NEDD4L: variants seen among roughly 807,000 people sequenced by gnomAD.
NEDD4L encodes the protein E3 ubiquitin-protein ligase NEDD4-like.
Under a neutral mutation model 148.9 loss-of-function variants are expected in NEDD4L, and 54 were observed. The ratio of observed to expected loss-of-function variants is 0.36; its 90% CI spans 0.29 to 0.45. The LOEUF (loss-of-function observed/expected upper bound fraction) is 0.45. Among genes scored for constraint, NEDD4L ranks in the 20% least tolerant of loss-of-function variants. NEDD4L has a pLI of 1.00. For missense variants in NEDD4L, 856 were observed against 1,233.8 expected (o/e 0.69, Z 4.59); for synonymous variants, 433 against 440.7 (o/e 0.98, Z 0.22).
intron 1 of NEDD4L, among the ~76,000 whole-genome samples, chr18:58,056,453 A>T (rs2082088817): frequency 6.6e-6 from 1 of 152,226 alleles, no homozygotes; most frequent in South Asian, 2.1e-4. Context: ...CAGTAGGGAA[A>T]TGGGCCAGCT....
chr18:58,347,205 G>GCCCCCCC lies in NEDD4L; in HGVS notation c.1576-2330_1576-2324dup, dbSNP rs138430099. The stretch of plus-strand genomic sequence containing the variant: ...AATTTCAGCTTCTTTTCACGCTACG[G>GCCCCCCC]CCCCCCCCGCCCCCCCCCCCCCTTT... On this transcript the variant is annotated intron_variant, in intron 16 of 30. Transcript: ENST00000400345. Among the ~76,000 whole-genome samples, 305 of 39,576 alleles carry GCCCCCCC rather than the reference G, an allele frequency of 7.7e-3. 15 individuals carry two copies. Among genetic ancestry groups the GCCCCCCC allele is most frequent in the African/African-American group, 0.013 (92 of 7,156 alleles). 26.0% of individuals were successfully genotyped at this position (39,576 alleles called of 152,430 possible).
intron 2 of NEDD4L, among the ~76,000 whole-genome samples, chr18:58,234,374 T>C (rs562285071): frequency 4.2e-4 from 58 of 138,262 alleles, no homozygotes; most frequent in African/African-American, 1.4e-3. Flanking sequence ...TTCTGTCATC[T>C]AGGCTGGAGT....
chr18:58,317,059 T>G (rs2058352348), intron 6 of NEDD4L, among the ~76,000 whole-genome samples: 1 of 152,260 alleles, frequency 6.6e-6, no homozygotes, highest in Non-Finnish European at 1.5e-5. Flanking sequence ...TGAAGATGTG[T>G]TGTGAAGGAA....
chr18:58,282,983 G>A (rs559464222), intron 5 of NEDD4L, among the ~76,000 whole-genome samples: 3 of 152,210 alleles, frequency 2.0e-5, no homozygotes, highest in South Asian at 2.1e-4. Context: ...GGATGATGAC[G>A]GCTAATCCCA....
chr18:58,314,082 T>G (rs374121792), intron 5 of NEDD4L, among the ~76,000 whole-genome samples: 1 of 152,196 alleles, frequency 6.6e-6, no homozygotes, highest in East Asian at 1.9e-4. Context: ...TTTCTTTTTT[T>G]TATAGTACAG....
intron 1 of NEDD4L, among the ~76,000 whole-genome samples, chr18:58,084,523 G>A (rs1302512204): frequency 1.3e-5 from 2 of 152,142 alleles, no homozygotes; most frequent in African/African-American, 4.8e-5. Context: ...ACACTGGGTG[G>A]CTTAAACAGT....
intron 1 of NEDD4L, among the ~76,000 whole-genome samples, chr18:58,148,696 TTAA>T (rs2034366395): frequency 6.6e-6 from 1 of 152,224 alleles, no homozygotes; most frequent in South Asian, 2.1e-4. Flanking sequence ...TCATTTTACC[TTAA>T]TAACCTCTTT....
chr18:58,232,699 G>A (rs958069136), intron 2 of NEDD4L, among the ~76,000 whole-genome samples: 3 of 152,192 alleles, frequency 2.0e-5, no homozygotes, highest in Admixed American at 6.5e-5. Context: ...TTTTATCCTC[G>A]CTTAAAAAAT....
intron 5 of NEDD4L, among the ~76,000 whole-genome samples, chr18:58,274,106 G>C (rs1331371943): frequency 6.6e-6 from 1 of 151,488 alleles, no homozygotes; most frequent in African/African-American, 2.4e-5. Flanking sequence ...GCCCTGAAGT[G>C]AGCCACGTAG....
At chr18:58,285,336 T>G (rs550374450) in intron 5 of NEDD4L, among the ~76,000 whole-genome samples, 17 of 152,008 alleles carry the variant, frequency 1.1e-4, no homozygotes, top group African/African-American at 1.7e-4. Context: ...GGTGTGTGTG[T>G]GTGTGTGTTT....
chr18:58,084,589 C>T (rs2083648307), intron 1 of NEDD4L, among the ~76,000 whole-genome samples: 1 of 151,784 alleles, frequency 6.6e-6, no homozygotes, highest in Non-Finnish European at 1.5e-5. Context: ...AAGATGTCAG[C>T]AGGTTTGGTT....
chr18:58,077,665 TG>T (rs1204649711), intron 1 of NEDD4L, among the ~76,000 whole-genome samples: 7 of 152,180 alleles, frequency 4.6e-5, no homozygotes, highest in Non-Finnish European at 8.8e-5. Context: ...AAGTGCTTCT[TG>T]TGATGCATCG....
intron 12 of NEDD4L, 103 bp downstream of exon 12, chr18:58,333,995 A>AC: frequency 6.0e-6 from 4 of 661,194 alleles, no homozygotes; most frequent in Non-Finnish European, 7.3e-6. Flanking sequence ...ATTTATTTAC[A>AC]ATATAAATGA....
intron 2 of NEDD4L, among the ~76,000 whole-genome samples, chr18:58,201,553 A>G (rs1442899988): frequency 2.6e-5 from 4 of 152,208 alleles, no homozygotes; most frequent in African/African-American, 9.6e-5. Context: ...GGATGACAAT[A>G]GAAACAGGTT....
At chr18:58,231,445 A>AT (rs1475966208) in intron 2 of NEDD4L, among the ~76,000 whole-genome samples, 8 of 152,058 alleles carry the variant, frequency 5.3e-5, no homozygotes, top group African/African-American at 1.7e-4. Flanking sequence ...TTCCAAGGCC[A>AT]TGGGGGGAAA....
chr18:58,094,900 T>TTA (rs751417792), intron 1 of NEDD4L, among the ~76,000 whole-genome samples: 2 of 129,532 alleles, frequency 1.5e-5, no homozygotes, highest in South Asian at 2.5e-4. Context: ...AAAGAGCACT[T>TTA]AAAAAAAAAA....
chr18:58,193,335 G>A (rs2040316853), intron 2 of NEDD4L, among the ~76,000 whole-genome samples: 1 of 152,178 alleles, frequency 6.6e-6, no homozygotes, highest in Non-Finnish European at 1.5e-5. Flanking sequence ...ATGAAGTTCT[G>A]TGATAATTCC....
intron 5 of NEDD4L, among the ~76,000 whole-genome samples, chr18:58,293,923 CTG>C (rs146570766): frequency 0.011 from 1,723 of 152,160 alleles, 26 homozygotes; most frequent in African/African-American, 0.04. Flanking sequence ...GATTCTCACT[CTG>C]TTGCCCAGGC....
At chr18:58,269,594 C>G (rs906725424) in intron 5 of NEDD4L, among the ~76,000 whole-genome samples, 2 of 151,950 alleles carry the variant, frequency 1.3e-5, no homozygotes, top group Non-Finnish European at 2.9e-5. Flanking sequence ...AAAGGGGACC[C>G]CTGGCCAGAA....
Sources: gnomAD v4.1 joint callset for allele counts (sites outside exome capture counted in the v4.1 genomes callset) on GRCh38, gnomAD v4.1.1 for gene constraint, MANE v1.5 for transcripts, NCBI Gene and HGNC (gene_info 2026-07-23, HGNC 2026-07-21) for gene names.